EYS: variants seen among roughly 807,000 people sequenced by gnomAD.
The protein encoded by EYS is protein eyes shut homolog.
EYS carries 250 observed loss-of-function variants against 282.1 expected under a neutral mutation model. The ratio of observed to expected loss-of-function variants is 0.89; its 90% confidence interval spans 0.80 to 0.98. The LOEUF is 0.98. Among genes scored for constraint, EYS ranks in the 50% least tolerant of loss-of-function variants. The pLI is 0.00. For synonymous variants in EYS, 1,355 were observed against 1,282.9 expected (o/e 1.06, Z -1.20); for missense variants, 4,016 against 3,709.0 (o/e 1.08, Z -2.15).
chr6:65,016,767 A>T (rs963110962), intron 13 of EYS, among the ~76,000 whole-genome samples: 1 of 152,184 alleles, frequency 6.6e-6, no homozygotes, highest in Non-Finnish European at 1.5e-5. Context: ...TTTATGGAGC[A>T]TACCTCAACA....
At chr6:64,264,818 C>A (rs1767703030) in intron 30 of EYS, among the ~76,000 whole-genome samples, 1 of 152,032 alleles carries the variant, frequency 6.6e-6, no homozygotes, top group Non-Finnish European at 1.5e-5. Context: ...GCAGAAGAAT[C>A]TCTTGAACCT....
At position 64,706,983 on chromosome 6, in the gene EYS, G is replaced by T. The variant is rs9342390; in HGVS notation, c.3444-80738C>A. Among the ~76,000 whole-genome samples, 5 of 151,898 alleles carry T rather than the reference G, an allele frequency of 3.3e-5. 1 individual carries two copies. The highest frequency in any genetic ancestry group is 4.8e-5 in the African/African-American group (2 of 41,396). On this transcript the variant is annotated intron_variant, in intron 22 of 42. Transcript: ENST00000503581. The stretch of plus-strand genomic sequence containing the variant: ...TGCTGGGTATTTATCTGGAGGAAAA[G>T]ATACAAAAAAGATACTTGCACACAC...
At chr6:63,916,029 G>T (rs1764414594) in intron 35 of EYS, among the ~76,000 whole-genome samples, 1 of 152,172 alleles carries the variant, frequency 6.6e-6, no homozygotes, top group South Asian at 2.1e-4. Context: ...AACAAGTTCT[G>T]CTATGGGTAA....
At chr6:64,540,234 C>A (rs1419012674) in intron 26 of EYS, among the ~76,000 whole-genome samples, 2 of 152,168 alleles carry the variant, frequency 1.3e-5, no homozygotes, top group Non-Finnish European at 2.9e-5. Context: ...TGTCTTACAT[C>A]CTTTTTTGGC....
chr6:63,903,603 AC>A (rs1379626768), intron 35 of EYS, among the ~76,000 whole-genome samples: 1 of 151,966 alleles, frequency 6.6e-6, no homozygotes, highest in Non-Finnish European at 1.5e-5. Flanking sequence ...CCTTCCCTTT[AC>A]CCTAGTCCCC....
chr6:65,283,735 A>AT (rs1323930316), intron 12 of EYS, among the ~76,000 whole-genome samples: 2 of 151,930 alleles, frequency 1.3e-5, no homozygotes, highest in African/African-American at 4.8e-5. Context: ...TTAAGAAAAC[A>AT]TTTGTGTCAA....
intron 22 of EYS, among the ~76,000 whole-genome samples, chr6:64,641,661 A>G (rs1299702306): frequency 6.6e-6 from 1 of 152,158 alleles, no homozygotes; most frequent in Non-Finnish European, 1.5e-5. Context: ...TGTAAGGCAG[A>G]GGTCTCCAAC....
At chr6:65,059,326 G>A (rs191600513) in intron 12 of EYS, among the ~76,000 whole-genome samples, 2 of 152,058 alleles carry the variant, frequency 1.3e-5, no homozygotes, top group Admixed American at 1.3e-4. Flanking sequence ...TTGTAACAAT[G>A]GTTGAGAGTT....
intron 13 of EYS, among the ~76,000 whole-genome samples, chr6:65,030,862 G>A (rs1772580237): frequency 6.6e-6 from 1 of 152,024 alleles, no homozygotes; most frequent in Non-Finnish European, 1.5e-5. Context: ...ATGGCAAGGT[G>A]GATAAAGAAA....
chr6:65,412,309 A>G (rs1767054176), intron 5 of EYS, among the ~76,000 whole-genome samples: 1 of 152,176 alleles, frequency 6.6e-6, no homozygotes, highest in African/African-American at 2.4e-5. Flanking sequence ...GCTACCACGA[A>G]TATTAATATA....
At chr6:63,790,140 C>A (rs1299965939) in intron 37 of EYS, among the ~76,000 whole-genome samples, 2 of 152,116 alleles carry the variant, frequency 1.3e-5, no homozygotes, top group Non-Finnish European at 2.9e-5. Context: ...GAGGTTTAAG[C>A]ATGGGAGAAA....
intron 33 of EYS, among the ~76,000 whole-genome samples, chr6:64,007,136 C>A (rs528513052): frequency 1.3e-5 from 2 of 152,124 alleles, no homozygotes; most frequent in East Asian, 3.9e-4. Flanking sequence ...TGGGCTATTT[C>A]TGGTTGTTAG....
At position 63,870,109 on chromosome 6, in the gene EYS, G is replaced by A. The variant is rs565432237; in HGVS notation, c.7056-5751C>T. On this transcript the variant is annotated intron_variant, in intron 35 of 42. Coordinates refer to ENST00000503581, the MANE Select transcript of EYS (RefSeq NM_001142800.2). ...GCTTATGAAGCTCTGGAGCTCTCAG[G>A]TAATTTCCTGTAAAGATAATGTGCC... Among the ~76,000 whole-genome samples, 6 of 152,278 alleles carry A rather than the reference G, an allele frequency of 3.9e-5. No individual in the cohort carries two copies. The East Asian group carries it at 1.2e-3, about 29-fold the overall frequency.
At chr6:63,828,911 CTGTG>C (rs886908985) in intron 36 of EYS, among the ~76,000 whole-genome samples, 3 of 152,322 alleles carry the variant, frequency 2.0e-5, no homozygotes, top group Middle Eastern at 3.4e-3. Context: ...AACTAGAAAA[CTGTG>C]TGGAGATTCC....
At chr6:65,358,730 T>A (rs902686581) in intron 8 of EYS, among the ~76,000 whole-genome samples, 1 of 151,656 alleles carries the variant, frequency 6.6e-6, no homozygotes, top group African/African-American at 2.4e-5. Flanking sequence ...ACTAAACTCA[T>A]TATCAAATAT....
intron 5 of EYS, among the ~76,000 whole-genome samples, chr6:65,472,210 T>C (rs1293543894): frequency 1.3e-5 from 2 of 152,090 alleles, no homozygotes; most frequent in Non-Finnish European, 1.5e-5. Flanking sequence ...TGTACCAATG[T>C]TGAAGATGAA....
intron 34 of EYS, among the ~76,000 whole-genome samples, chr6:63,991,874 T>C (rs918007560): frequency 6.6e-6 from 1 of 151,738 alleles, no homozygotes; most frequent in East Asian, 1.9e-4. Context: ...GGAGCTCCCA[T>C]GAGACTATCA....
chr6:63,960,930 CAAT>C (rs944200698), intron 35 of EYS, among the ~76,000 whole-genome samples: 23 of 152,172 alleles, frequency 1.5e-4, no homozygotes, highest in South Asian at 2.1e-4. Flanking sequence ...ACCAAATCCA[CAAT>C]GTTTCCAAGG....
At chr6:63,905,821 T>C (rs2149734468) in intron 35 of EYS, among the ~76,000 whole-genome samples, 1 of 152,350 alleles carries the variant, frequency 6.6e-6, no homozygotes, top group East Asian at 1.9e-4. Flanking sequence ...ATATACCTAT[T>C]CTGCTCAGAA....
Sources: allele counts gnomAD v4.1 joint callset (sites outside exome capture counted in the v4.1 genomes callset), GRCh38; gene constraint gnomAD v4.1.1; transcripts MANE v1.5; gene names NCBI Gene and HGNC (gene_info 2026-07-23, HGNC 2026-07-21).